DMD: variants seen among roughly 807,000 people sequenced by gnomAD.
DMD encodes the protein mutant dystrophin.
DMD carries 63 observed loss-of-function variants against 330.1 expected under a neutral mutation model. The ratio of observed to expected loss-of-function variants is 0.19; its 90% CI spans 0.16 to 0.24. The LOEUF (loss-of-function observed/expected upper bound fraction) is 0.24. Among genes scored for constraint, DMD ranks in the 10% least tolerant of loss-of-function variants. DMD has a pLI of 1.00. For synonymous variants in DMD, 1,223 were observed against 959.8 expected (o/e 1.27, Z -5.07); for missense variants, 3,344 against 2,684.1 (o/e 1.25, Z -5.43).
At chrX:31,620,899 G>A (rs1234734381) in intron 55 of DMD, among the ~76,000 whole-genome samples, 1 of 111,603 alleles carries the variant, frequency 9.0e-6, no homozygotes, top group Non-Finnish European at 1.9e-5. Context: ...GGACCATGGA[G>A]AAATTCAAAT....
At chrX:31,335,867 G>A (rs1281182148) in intron 61 of DMD, among the ~76,000 whole-genome samples, 1 of 112,443 alleles carries the variant, frequency 8.9e-6, no homozygotes, top group Non-Finnish European at 1.9e-5. Context: ...TGGAAGGGAA[G>A]TGAAAGAAAC....
At chrX:31,700,538 A>G (rs2083738614) in intron 52 of DMD, among the ~76,000 whole-genome samples, 1 of 112,172 alleles carries the variant, frequency 8.9e-6, no homozygotes, top group South Asian at 3.7e-4. Context: ...AATAAAACAT[A>G]GGGAAGTATG....
At position 31,141,233 on chromosome X, in the gene DMD, A is replaced by G. The variant is rs192107217; in HGVS notation, c.10921+5058T>C. Reference sequence around the variant, plus strand: ...AACAACAACAACAACAACAACAACAACAAAACCAGAATGATATAATGCATG... The same window carrying G: ...AACAACAACAACAACAACAACAACAGCAAAACCAGAATGATATAATGCATG... On this transcript the variant is annotated intron_variant, in intron 76 of 78. Transcript: ENST00000357033. Among the ~76,000 whole-genome samples the G allele has an allele frequency of 2.8e-4, 31 of 112,008 alleles. No individual in the cohort carries two copies. The Admixed American group carries it at 2.8e-3, about 10-fold the overall frequency.
chrX:32,759,858 G>C (rs960189341), intron 7 of DMD, among the ~76,000 whole-genome samples: 11 of 21,164 alleles, frequency 5.2e-4, no homozygotes, highest in South Asian at 4.7e-3. Flanking sequence ...GGGGGGGGGG[G>C]GCGGGGGAAG....
At chrX:31,575,982 G>C (rs1381419885) in intron 55 of DMD, among the ~76,000 whole-genome samples, 4 of 111,791 alleles carry the variant, frequency 3.6e-5, no homozygotes, top group African/African-American at 1.3e-4. Context: ...CAGAGAAAAA[G>C]ATAATACTTT....
intron 55 of DMD, among the ~76,000 whole-genome samples, chrX:31,620,421 T>TC (rs2078461968): frequency 9.4e-6 from 1 of 106,892 alleles, no homozygotes; most frequent in African/African-American, 3.4e-5. Context: ...ATAATTTTTT[T>TC]TTTTTTTTTT....
intron 51 of DMD, among the ~76,000 whole-genome samples, chrX:31,764,619 C>T (rs1334241555): frequency 3.6e-5 from 4 of 111,599 alleles, no homozygotes; most frequent in East Asian, 2.8e-4. Context: ...TGGCAAAAAT[C>T]GTCTTCATGG....
chrX:32,886,761 G>A (rs1418769196), intron 2 of DMD, among the ~76,000 whole-genome samples: 1 of 111,487 alleles, frequency 9.0e-6, no homozygotes, highest in Non-Finnish European at 1.9e-5. Flanking sequence ...TGGTCTACTG[G>A]GTTATTTAGA....
At chrX:32,607,723 T>C (rs543647965) in intron 12 of DMD, among the ~76,000 whole-genome samples, 10 of 110,771 alleles carry the variant, frequency 9.0e-5, no homozygotes, top group African/African-American at 2.0e-4. Context: ...TTAAAATTCA[T>C]GTTATCATGT....
In DMD at chrX:33,047,003, A is replaced by C. The variant is rs555639576; in HGVS notation, c.32-26803T>G. ...TTTGAGTGCTTACTATGTGCCACCT[A>C]CTAAACACTTTAAACACATGAACAT... is the stretch of plus-strand genomic sequence containing the variant. On this transcript the variant is annotated intron_variant, in intron 1 of 78. Transcript: ENST00000357033. 1.3e-4 allele frequency among the ~76,000 whole-genome samples: 15 copies of C among 112,449 alleles called. No homozygotes were observed. The South Asian group carries it at 5.5e-3, about 41-fold the overall frequency.
intron 1 of DMD, among the ~76,000 whole-genome samples, chrX:33,280,960 GT>G (rs890826688): frequency 3.6e-5 from 4 of 111,731 alleles, no homozygotes; most frequent in African/African-American, 1.3e-4. Flanking sequence ...TAATAAGCCT[GT>G]GTAAGTTCAA....
intron 1 of DMD, among the ~76,000 whole-genome samples, chrX:33,190,804 C>T (rs2050498578): frequency 1.3e-5 from 1 of 75,893 alleles, no homozygotes; most frequent in African/African-American, 4.4e-5. Context: ...TCTTTCTATA[C>T]ATATAAGCTT....
intron 29 of DMD, among the ~76,000 whole-genome samples, chrX:32,430,440 CAT>C (rs2098233473): frequency 9.0e-6 from 1 of 111,648 alleles, no homozygotes; most frequent in African/African-American, 3.3e-5. Context: ...ATATAATTAA[CAT>C]ACACAAGTTG....
At chrX:32,513,073 T>C (rs1400202845) in intron 18 of DMD, among the ~76,000 whole-genome samples, 2 of 112,241 alleles carry the variant, frequency 1.8e-5, no homozygotes, top group Non-Finnish European at 3.8e-5. Flanking sequence ...TTTTTTACTG[T>C]ATTAAGATAT....
At chrX:32,563,507 T>A (rs754041904) in intron 16 of DMD, among the ~76,000 whole-genome samples, 1 of 111,329 alleles carries the variant, frequency 9.0e-6, no homozygotes, top group Non-Finnish European at 1.9e-5. Context: ...AGTGAAGAGA[T>A]ACATGCTGTA....
chrX:32,868,473 C>G (rs1441116137), intron 2 of DMD, among the ~76,000 whole-genome samples: 1 of 111,881 alleles, frequency 8.9e-6, no homozygotes, highest in Non-Finnish European at 1.9e-5. Context: ...GCAGCCATCA[C>G]GGTGGCTACC....
In DMD at chrX:32,594,210, C is replaced by T. The variant is rs1233183330; in HGVS notation, c.1602+1547G>A. ...CTAACTCAGGGTGTTAAGTATGCAT[C>T]TCTCTTCCTTATTGGACTAAATGGG... On this transcript the variant is annotated intron_variant, in intron 13 of 78. Transcript: ENST00000357033. Among the ~76,000 whole-genome samples the T allele has an allele frequency of 2.7e-5, 3 of 111,900 alleles. No individual in the cohort carries two copies. In the East Asian group the frequency reaches 8.5e-4, roughly 32 times the overall value.
At chrX:31,636,776 C>A (rs1157555254) in intron 54 of DMD, among the ~76,000 whole-genome samples, 1 of 111,544 alleles carries the variant, frequency 9.0e-6, no homozygotes, top group Non-Finnish European at 1.9e-5. Context: ...AATTATTATT[C>A]CTTTGCTTAC....
At chrX:32,588,730 T>C (rs894994619) in intron 13 of DMD, among the ~76,000 whole-genome samples, 1 of 111,161 alleles carries the variant, frequency 9.0e-6, no homozygotes, top group Admixed American at 9.6e-5. Flanking sequence ...CCTTGAGAAA[T>C]GTTGACAAGA....
Sources: gnomAD v4.1 joint callset for allele counts (sites outside exome capture counted in the v4.1 genomes callset) on GRCh38, gnomAD v4.1.1 for gene constraint, MANE v1.5 for transcripts, NCBI Gene and HGNC (gene_info 2026-07-23, HGNC 2026-07-21) for gene names.